ZNF536: variants seen among roughly 807,000 people sequenced by gnomAD.
The protein encoded by ZNF536 is zinc finger protein 536.
ZNF536 carries 13 observed loss-of-function variants against 84.5 expected under a neutral mutation model. The ratio of observed to expected loss-of-function variants is 0.15; its 90% confidence interval spans 0.10 to 0.24. ZNF536 has a LOEUF of 0.24. ZNF536 is among the 10% of genes least tolerant of loss of function. The pLI, the probability that ZNF536 is intolerant of heterozygous loss-of-function variation, is 1.00. For synonymous variants in ZNF536, 811 were observed against 742.5 expected (o/e 1.09, Z -1.50); for missense variants, 1,536 against 1,747.5 (o/e 0.88, Z 2.16).
At chr19:30,388,407 G>A (rs73924730) in intron 1 of ZNF536, among the ~76,000 whole-genome samples, 2,823 of 152,238 alleles carry the variant, frequency 0.019, 85 homozygotes, top group African/African-American at 0.061. Context: ...TAATGGGGGC[G>A]ACCCCGCTCC....
chr19:30,623,805 G>T lies in ZNF536; in HGVS notation c.169+74291G>T, dbSNP rs562840477. 2.6e-5 allele frequency among the ~76,000 whole-genome samples: 4 copies of T among 152,164 alleles called. No homozygotes were observed. The East Asian group carries it at 5.8e-4, about 22-fold the overall frequency. ...ATGTTACAGAGCTGCAAATGTTGGGGTGTTATCTGTTTTGTTTGATAGTGG... is the reference window on the plus strand; with the variant it reads ...ATGTTACAGAGCTGCAAATGTTGGGTTGTTATCTGTTTTGTTTGATAGTGG... On this transcript the variant is annotated intron_variant, in intron 1 of 1. Transcript: ENST00000592773.
intron 1 of ZNF536, among the ~76,000 whole-genome samples, chr19:30,236,535 G>C (rs542024861): frequency 2.0e-5 from 3 of 151,486 alleles, no homozygotes; most frequent in Admixed American, 6.6e-5. Flanking sequence ...GGGGCGGGGG[G>C]GGGGTACAAT....
chr19:30,307,743 G>A lies in ZNF536; in HGVS notation c.-120+23602G>A, dbSNP rs569086579. ...TCAGCCTGACCCACAAGTAAAACCG[G>A]CGACAATGATTTAGTTATTGGCTCG... On this transcript the variant is annotated intron_variant, in intron 2 of 5. Transcript: ENST00000585628. 9.3e-4 allele frequency among the ~76,000 whole-genome samples: 142 copies of A among 152,272 alleles called. 1 individual carries two copies. Among genetic ancestry groups the A allele is most frequent in the Non-Finnish European group, 1.8e-3 (120 of 68,030 alleles).
At chr19:30,664,436 G>T (rs1385993964) in intron 1 of ZNF536, among the ~76,000 whole-genome samples, 1 of 152,126 alleles carries the variant, frequency 6.6e-6, no homozygotes, top group Non-Finnish European at 1.5e-5. Flanking sequence ...TGGAGGGCGG[G>T]GTGGATGGAG....
intron 1 of ZNF536, among the ~76,000 whole-genome samples, chr19:30,240,438 G>A (rs12976329): frequency 0.16 from 23,603 of 152,104 alleles, 1,983 homozygotes; most frequent in Admixed American, 0.23. Flanking sequence ...AACCCCAAGG[G>A]GACTGTATCT....
rs1021544142 is a variant in ZNF536, at chr19:30,581,595, C to T, written c.169+32081C>T. ...GCCGAGATCAGCTGATGGCTGTGTC[C>T]TTTCTTGGGAGGACTTTCTGGATGT... On this transcript the variant is annotated intron_variant, in intron 1 of 1. Transcript: ENST00000592773. Among the ~76,000 whole-genome samples the T allele has an allele frequency of 2.6e-5, 4 of 152,156 alleles. No homozygotes were observed. In the East Asian group the frequency reaches 5.8e-4, roughly 22 times the overall value.
At chr19:30,637,695 C>A (rs533281224) in intron 1 of ZNF536, among the ~76,000 whole-genome samples, 1 of 152,322 alleles carries the variant, frequency 6.6e-6, no homozygotes, top group South Asian at 2.1e-4. Context: ...AAACCCAAAT[C>A]TTTTTCTAGA....
chr19:30,411,201 T>A (rs2050481808), intron 1 of ZNF536, among the ~76,000 whole-genome samples: 2 of 152,192 alleles, frequency 1.3e-5, no homozygotes, highest in Non-Finnish European at 2.9e-5. Flanking sequence ...ATTTAAAATT[T>A]TCGTGGATAT....
intron 2 of ZNF536, among the ~76,000 whole-genome samples, chr19:30,312,064 T>C (rs534978716): frequency 6.6e-6 from 1 of 152,282 alleles, no homozygotes; most frequent in South Asian, 2.1e-4. Context: ...CAAGACCCTG[T>C]TGCAAGAAAA....
chr19:30,562,392 A>T (rs1657508056), downstream of ZNF536, among the ~76,000 whole-genome samples: 1 of 152,154 alleles, frequency 6.6e-6, no homozygotes, highest in Admixed American at 6.5e-5. Context: ...TATCCTGAAG[A>T]TATTTCTGTT....
chr19:30,412,522 A>G (rs1428932476), intron 1 of ZNF536, among the ~76,000 whole-genome samples: 1 of 152,036 alleles, frequency 6.6e-6, no homozygotes, highest in Non-Finnish European at 1.5e-5. Context: ...TTGTTCTTTA[A>G]TAAATTATGT....
chr19:30,310,463 T>C (rs1219492036), intron 2 of ZNF536, among the ~76,000 whole-genome samples: 1 of 152,248 alleles, frequency 6.6e-6, no homozygotes, highest in East Asian at 1.9e-4. Flanking sequence ...ATCGGTTTCA[T>C]GCAGACATGC....
chr19:30,603,306 G>T (rs563034463), intron 1 of ZNF536, among the ~76,000 whole-genome samples: 49 of 152,332 alleles, frequency 3.2e-4, no homozygotes, highest in Non-Finnish European at 6.0e-4. Context: ...TGGATGGATG[G>T]ATGGATGGAT....
At chr19:30,550,988 A>G (rs1197615334) in intron 4 of ZNF536, among the ~76,000 whole-genome samples, 1 of 152,126 alleles carries the variant, frequency 6.6e-6, no homozygotes, top group East Asian at 1.9e-4. Flanking sequence ...AAAAGAAGGG[A>G]AAAAAGCGTT....
chr19:30,363,169 A>T (rs1284334459), intron 3 of ZNF536, among the ~76,000 whole-genome samples: 3 of 152,136 alleles, frequency 2.0e-5, no homozygotes, highest in Non-Finnish European at 4.4e-5. Context: ...AGCTCCCTGG[A>T]ACTCTAGGCT....
At chr19:30,552,862 G>T (rs112425909) in intron 4 of ZNF536, among the ~76,000 whole-genome samples, 1,640 of 152,260 alleles carry the variant, frequency 0.011, 34 homozygotes, top group African/African-American at 0.037. Flanking sequence ...GACAGCACAC[G>T]GCCTGTCAGA....
intron 1 of ZNF536, among the ~76,000 whole-genome samples, chr19:30,597,327 C>T (rs752509837): frequency 6.6e-5 from 10 of 152,240 alleles, no homozygotes; most frequent in Non-Finnish European, 1.5e-4. Flanking sequence ...TAGAATGCCA[C>T]GTGCTTGGCA....
In ZNF536 at chr19:30,542,720, G is replaced by C. The variant is rs549879761; in HGVS notation, c.2324-5223G>C. Among the ~76,000 whole-genome samples, 9 of 152,310 alleles carry C rather than the reference G, an allele frequency of 5.9e-5. No individual in the cohort carries two copies. In the South Asian group the frequency reaches 1.5e-3, roughly 25 times the overall value. On this transcript the variant is annotated intron_variant, in intron 3 of 4. Coordinates refer to ENST00000355537, the MANE Select transcript of ZNF536 (RefSeq NM_014717.3). ...TGCTCCAGACCCCATCTGTAAAATA[G>C]AGCACTGTGACCCTTCAGTGTTTGA...
intron 1 of ZNF536, among the ~76,000 whole-genome samples, chr19:30,438,414 G>T (rs1293697838): frequency 6.6e-6 from 1 of 152,192 alleles, no homozygotes; most frequent in African/African-American, 2.4e-5. Flanking sequence ...CTGGACATCA[G>T]TCCAGGTGAA....
Sources: allele counts gnomAD v4.1 joint callset (sites outside exome capture counted in the v4.1 genomes callset), GRCh38; gene constraint gnomAD v4.1.1; transcripts MANE v1.5; gene names NCBI Gene and HGNC (gene_info 2026-07-23, HGNC 2026-07-21).